PSD3: variants seen among roughly 807,000 people sequenced by gnomAD.
PSD3 encodes pleckstrin and Sec7 domain containing 3, also known as PH and SEC7 domain-containing protein 3.
Under a neutral mutation model 105.5 loss-of-function variants are expected in PSD3, and 49 were observed. The observed-to-expected ratio is 0.46, with a 90% CI of 0.37 to 0.59. The LOEUF is 0.59. PSD3 is among the 20% of genes least tolerant of loss of function. PSD3 has a pLI of 0.00. For missense variants in PSD3, 1,561 were observed against 1,263.8 expected, an observed-to-expected ratio of 1.24 and a Z score of -3.57; for synonymous variants, 557 against 457.8, an observed-to-expected ratio of 1.22 and a Z score of -2.77.
intron 10 of PSD3, among the ~76,000 whole-genome samples, chr8:18,633,814 T>C (rs892115398): frequency 6.6e-5 from 10 of 152,152 alleles, no homozygotes; most frequent in Non-Finnish European, 1.3e-4. Context: ...AGTTCTTTTT[T>C]ATGTACTCTA....
At chr8:19,043,287 G>A (rs1828189012) in intron 1 of PSD3, among the ~76,000 whole-genome samples, 1 of 152,144 alleles carries the variant, frequency 6.6e-6, no homozygotes, top group Non-Finnish European at 1.5e-5. Context: ...AGTTTTAGTG[G>A]TAGTTCAAGG....
chr8:19,071,409 TTTCTTCCTGCCTAACCCTC>T (rs1382573054), intron 1 of PSD3, among the ~76,000 whole-genome samples: 2 of 152,178 alleles, frequency 1.3e-5, no homozygotes, highest in East Asian at 3.9e-4. Context: ...CCAGCTCCCC[TTTCTTCCTGCCTAACCCTC>T]TTCTGCCCTG....
chr8:18,704,031 T>C (rs1183167921), intron 9 of PSD3, among the ~76,000 whole-genome samples: 1 of 152,116 alleles, frequency 6.6e-6, no homozygotes, highest in Admixed American at 6.5e-5. Flanking sequence ...TTAAAAAAGA[T>C]GCCAAAAAGA....
At chr8:19,001,655 A>T (rs142132435) in intron 1 of PSD3, 2 of 152,124 alleles carry the variant, frequency 1.3e-5, no homozygotes, top group African/African-American at 4.8e-5. Context: ...ATAGGAATCA[A>T]GCACATGGAA....
intron 1 of PSD3, among the ~76,000 whole-genome samples, chr8:18,975,030 A>G (rs1168372480): frequency 2.0e-5 from 3 of 152,198 alleles, no homozygotes; most frequent in African/African-American, 4.8e-5. Flanking sequence ...AAGAAACACA[A>G]CAGTGAGGAA....
intron 9 of PSD3, among the ~76,000 whole-genome samples, chr8:18,680,788 G>A (rs961309730): frequency 1.3e-5 from 2 of 152,120 alleles, no homozygotes; most frequent in Middle Eastern, 3.2e-3. Context: ...TTCTTCAGAC[G>A]AGGTCAATAT....
At chr8:18,897,607 T>A (rs775079699) in intron 2 of PSD3, among the ~76,000 whole-genome samples, 13 of 152,230 alleles carry the variant, frequency 8.5e-5, no homozygotes, top group Non-Finnish European at 1.8e-4. Context: ...TGGCCATTTT[T>A]ACCATATTAA....
chr8:18,542,817 A>G (rs941814537), intron 15 of PSD3, among the ~76,000 whole-genome samples: 2 of 152,184 alleles, frequency 1.3e-5, no homozygotes, highest in Middle Eastern at 3.2e-3. Context: ...AAGGACAAAG[A>G]CAGTTCCAGA....
intron 11 of PSD3, among the ~76,000 whole-genome samples, chr8:18,619,819 T>C (rs1419746981): frequency 1.3e-5 from 2 of 152,094 alleles, no homozygotes; most frequent in Admixed American, 1.3e-4. Context: ...AATCACAATA[T>C]TTTACCCCAA....
In PSD3 at chr8:18,757,751, A is replaced by G. The variant is rs994489592; in HGVS notation, c.2172+7698T>C. Among the ~76,000 whole-genome samples, 11 of 152,378 alleles carry G rather than the reference A, an allele frequency of 7.2e-5. No individual in the cohort carries two copies. The South Asian group carries it at 2.3e-3, about 32-fold the overall frequency. ...CTTCAAATATCCAGAGTAAAACATG[A>G]CAATAAACATAGGATCATGTTACTT... is the stretch of plus-strand genomic sequence containing the variant. On this transcript the variant is annotated intron_variant, in intron 9 of 15. Transcript: ENST00000327040.
chr8:18,772,296 T>A (rs1431718534), intron 8 of PSD3, among the ~76,000 whole-genome samples: 1 of 152,186 alleles, frequency 6.6e-6, no homozygotes, highest in Non-Finnish European at 1.5e-5. Flanking sequence ...CATTTTTTTG[T>A]GGACCCTCCA....
intron 4 of PSD3, among the ~76,000 whole-genome samples, chr8:18,836,891 A>G (rs1035907726): frequency 7.2e-6 from 1 of 139,346 alleles, no homozygotes; most frequent in African/African-American, 2.6e-5. Flanking sequence ...TGCGATGTGG[A>G]ACTCACAGAT....
intron 1 of PSD3, among the ~76,000 whole-genome samples, chr8:19,065,141 G>C (rs1461619342): frequency 6.6e-6 from 1 of 152,188 alleles, no homozygotes. Flanking sequence ...GTAATGACCA[G>C]TCTGCTTTTT....
intron 1 of PSD3, 25 bp from the exon 2 acceptor site, chr8:18,936,167 A>C: frequency 6.7e-7 from 1 of 1,495,638 alleles, no homozygotes; most frequent in Non-Finnish European, 9.3e-7. Context: ...CAAAACAAAG[A>C]CACATTTAAA....
intron 14 of PSD3, among the ~76,000 whole-genome samples, chr8:18,559,455 A>G (rs73666681): frequency 6.6e-6 from 1 of 152,210 alleles, no homozygotes; most frequent in African/African-American, 2.4e-5. Context: ...TTTGCCTTTT[A>G]AAAAATAGAT....
At chr8:18,858,631 T>C (rs77710736) in intron 4 of PSD3, among the ~76,000 whole-genome samples, 13,700 of 152,154 alleles carry the variant, frequency 0.09, 781 homozygotes, top group African/African-American at 0.16. Context: ...ATATTCCAAA[T>C]CCTTTGTAGT....
chr8:18,568,137 G>A (rs1246697145), intron 14 of PSD3, among the ~76,000 whole-genome samples: 1 of 152,080 alleles, frequency 6.6e-6, no homozygotes, highest in Non-Finnish European at 1.5e-5. Flanking sequence ...TGTATAGCCT[G>A]CAGAACCGTG....
chr8:18,706,228 C>T (rs1190935950), intron 9 of PSD3, among the ~76,000 whole-genome samples: 1 of 152,134 alleles, frequency 6.6e-6, no homozygotes, highest in African/African-American at 2.4e-5. Context: ...GAAATGAATA[C>T]CTGTTTCAAC....
At chr8:18,675,158 G>C (rs1799999970) in intron 9 of PSD3, among the ~76,000 whole-genome samples, 1 of 152,134 alleles carries the variant, frequency 6.6e-6, no homozygotes, top group Admixed American at 6.5e-5. Context: ...CAACCCTTTA[G>C]ATTTACTTAT....
Sources: gnomAD v4.1 joint callset for allele counts (sites outside exome capture counted in the v4.1 genomes callset) on GRCh38, gnomAD v4.1.1 for gene constraint, MANE v1.5 for transcripts, NCBI Gene and HGNC (gene_info 2026-07-23, HGNC 2026-07-21) for gene names.